ANKRD31: variants seen among roughly 807,000 people sequenced by gnomAD.
ANKRD31 encodes the protein ankyrin repeat domain 31, also known as ankyrin repeat domain-containing protein 31.
A neutral mutation model predicts 186.0 loss-of-function variants in ANKRD31; 147 were observed. The observed-to-expected ratio is 0.79, with a 90% CI of 0.69 to 0.91. The LOEUF (loss-of-function observed/expected upper bound fraction) is 0.91, where lower values mean the gene tolerates loss of function less well. Ranked by LOEUF, ANKRD31 falls within the 40% of genes least tolerant of loss-of-function variation. The probability of loss-of-function intolerance (pLI) is 0.00; values close to 1 mark genes in which losing one functional copy is unlikely to be tolerated. For missense variants in ANKRD31, 1,986 were observed against 2,148.8 expected, an observed-to-expected ratio of 0.92 and a Z score of 1.50; for synonymous variants, 673 against 736.4, an observed-to-expected ratio of 0.91 and a Z score of 1.39.
At chr5:75,098,365 G>A (rs1746511028) in intron 22 of ANKRD31, among the ~76,000 whole-genome samples, 1 of 152,176 alleles carries the variant, frequency 6.6e-6, no homozygotes, top group Non-Finnish European at 1.5e-5. Context: ...CAGGTAGCGT[G>A]ATGCCTCCAG....
chr5:75,235,681 A>C (rs1343284766), intron 1 of ANKRD31, among the ~76,000 whole-genome samples: 1 of 152,154 alleles, frequency 6.6e-6, no homozygotes, highest in Non-Finnish European at 1.5e-5. Context: ...GCAGACACCA[A>C]CCATGGCAAC....
At chr5:75,108,713 A>G (rs147258509) in intron 20 of ANKRD31, among the ~76,000 whole-genome samples, 577 of 152,208 alleles carry the variant, frequency 3.8e-3, no homozygotes, top group African/African-American at 0.013. Flanking sequence ...AGCAGTTTCT[A>G]TTGCCCTAAT....
chr5:75,135,879 T>C (rs1008450486), intron 17 of ANKRD31, among the ~76,000 whole-genome samples: 4 of 152,210 alleles, frequency 2.6e-5, no homozygotes, highest in Admixed American at 2.6e-4. Flanking sequence ...TACAATGATC[T>C]GATCTTTGAC....
chr5:75,206,748 G>A (rs10051422), intron 4 of ANKRD31, among the ~76,000 whole-genome samples: 77,196 of 151,878 alleles, frequency 0.51, 22,668 homozygotes, highest in African/African-American at 0.82. Flanking sequence ...ATTTAGGTCT[G>A]AAGGTGACTT....
intron 17 of ANKRD31, among the ~76,000 whole-genome samples, chr5:75,126,751 A>G (rs2150100490): frequency 6.6e-6 from 1 of 152,312 alleles, no homozygotes; most frequent in South Asian, 2.1e-4. Flanking sequence ...CAAGTCTGGC[A>G]AGAGATTTAG....
chr5:75,107,387 G>A, intron 21 of ANKRD31, 134 bp downstream of exon 21: 1 of 603,308 alleles, frequency 1.7e-6, no homozygotes, highest in East Asian at 2.9e-5. Flanking sequence ...TAACGGATTA[G>A]ACAACCTCAT....
intron 20 of ANKRD31, among the ~76,000 whole-genome samples, chr5:75,112,056 T>C (rs146603084): frequency 4.3e-4 from 65 of 152,304 alleles, no homozygotes; most frequent in African/African-American, 1.5e-3. Context: ...AGCTTATCTC[T>C]GATCATAGTT....
intron 22 of ANKRD31, among the ~76,000 whole-genome samples, chr5:75,094,393 A>C (rs896965767): frequency 2.6e-5 from 4 of 152,180 alleles, no homozygotes; most frequent in African/African-American, 9.7e-5. Context: ...AATATCATAA[A>C]AAGGAAAAGG....
At chr5:75,126,126 A>G (rs537659301) in intron 17 of ANKRD31, among the ~76,000 whole-genome samples, 1 of 152,310 alleles carries the variant, frequency 6.6e-6, no homozygotes, top group African/African-American at 2.4e-5. Context: ...TTGACTTAGC[A>G]TGATGATTTT....
intron 3 of ANKRD31, among the ~76,000 whole-genome samples, chr5:75,211,372 T>C (rs139681507): frequency 6.6e-6 from 1 of 152,388 alleles, no homozygotes; most frequent in African/African-American, 2.4e-5. Context: ...GTACCACATT[T>C]GGTTTATTCA....
At chr5:75,155,493 ATGT>A (rs1423663175) in intron 11 of ANKRD31, among the ~76,000 whole-genome samples, 2 of 152,116 alleles carry the variant, frequency 1.3e-5, no homozygotes, top group African/African-American at 4.8e-5. Context: ...CTATTAATGA[ATGT>A]TTAAGTTGCT....
chr5:75,075,396 A>G (rs1744552556), intron 25 of ANKRD31, among the ~76,000 whole-genome samples: 3 of 152,226 alleles, frequency 2.0e-5, no homozygotes, highest in Non-Finnish European at 4.4e-5. Context: ...CTGCTTTTAT[A>G]ATATTGCACA....
intron 10 of ANKRD31, among the ~76,000 whole-genome samples, chr5:75,179,556 A>C (rs528574014): frequency 5.9e-5 from 9 of 152,290 alleles, no homozygotes; most frequent in African/African-American, 2.2e-4. Context: ...GGGCTTCATC[A>C]CTGGGATGCA....
chr5:75,099,754 A>G (rs182565890), intron 22 of ANKRD31, among the ~76,000 whole-genome samples: 3 of 152,282 alleles, frequency 2.0e-5, no homozygotes, highest in East Asian at 3.9e-4. Context: ...GGTAGTTTGT[A>G]TATCTGTGGG....
chr5:75,126,367 G>A (rs983609449), intron 17 of ANKRD31, among the ~76,000 whole-genome samples: 11 of 152,046 alleles, frequency 7.2e-5, no homozygotes, highest in African/African-American at 2.4e-4. Flanking sequence ...GCTTGAACCC[G>A]GGAGGCAGAG....
chr5:75,117,525 G>A (rs1276434078), intron 18 of ANKRD31, among the ~76,000 whole-genome samples: 1 of 152,112 alleles, frequency 6.6e-6, no homozygotes, highest in African/African-American at 2.4e-5. Context: ...TAAGGATGTT[G>A]GTAGGCTAGG....
At chr5:75,084,630 C>A (rs1288514558) in intron 23 of ANKRD31, among the ~76,000 whole-genome samples, 1 of 152,180 alleles carries the variant, frequency 6.6e-6, no homozygotes, top group African/African-American at 2.4e-5. Flanking sequence ...ACAGACCACA[C>A]GTCCATGAAG....
At position 75,146,434 on chromosome 5, in the gene ANKRD31, T is replaced by A; in HGVS notation, c.2977A>T (p.Ile993Leu). The A allele has an allele frequency of 6.5e-7, 1 of 1,536,482 alleles. No homozygotes were observed. Among genetic ancestry groups the A allele is most frequent in the Non-Finnish European group, 8.7e-7 (1 of 1,146,452 alleles). ...SEHVANYEQC[I>L]FGPSFDHSNG... ...GAGTGATCAAAAGAAGGTCCAAATATGCATTGTTCATAATTTGCAACATGT... is the reference window on the plus strand; with the variant it reads ...GAGTGATCAAAAGAAGGTCCAAATAAGCATTGTTCATAATTTGCAACATGT... Residue 993 changes from isoleucine to leucine, a missense_variant, in exon 14 of 26, where the codon ATA becomes TTA. Physicochemically the swap from Ile to Leu is conservative, Grantham distance 5 (BLOSUM62 2). Coordinates refer to ENST00000506364, the MANE Select transcript of ANKRD31 (RefSeq NM_001372053.1).
At chr5:75,212,879 AG>A in intron 3 of ANKRD31, among the ~76,000 whole-genome samples, 1 of 152,306 alleles carries the variant, frequency 6.6e-6, no homozygotes, top group Non-Finnish European at 1.5e-5. Flanking sequence ...CTGAAAATAA[AG>A]CCATTAGGCT....
Sources: allele counts gnomAD v4.1 joint callset (sites outside exome capture counted in the v4.1 genomes callset), GRCh38; gene constraint gnomAD v4.1.1; transcripts MANE v1.5; gene names NCBI Gene and HGNC (gene_info 2026-07-23, HGNC 2026-07-21).